The following CHST5 variants were observed in gnomAD, a reference collection of about 807,000 sequenced individuals.
CHST5 encodes the protein carbohydrate sulfotransferase 5.
For synonymous variants in CHST5, 313 were observed against 279.2 expected (o/e 1.12, Z -1.21); for missense variants, 637 against 602.1 (o/e 1.06, Z -0.61).
In CHST5 at chr16:75,529,470, C is replaced by T. The variant is rs1567428381; in HGVS notation, c.915G>A (p.Glu305=). 2.5e-6 allele frequency: 4 copies of T among 1,612,530 alleles called. No homozygotes were observed. The highest frequency in any genetic ancestry group is 3.4e-6 in the Non-Finnish European group (4 of 1,179,860). The change falls in exon 4 of 4, where the codon GAG becomes GAA. Residue 305 remains glutamate (E), a synonymous_variant. Coordinates refer to ENST00000336257, the MANE Select transcript of CHST5 (RefSeq NM_024533.5). ...CGGTGAAGGCGTAGAGTGCGCGGAT[C>T]TCTGCCAGCGGCTCCCGCGCCAGGT... ...FEDLAREPLA[E]IRALYAFTGL... is the part of the protein sequence containing the mutation.
At chr16:75,531,911 CGA>C in intron 3 of CHST5, among the ~76,000 whole-genome samples, 1 of 152,208 alleles carries the variant, frequency 6.6e-6, no homozygotes, top group East Asian at 1.9e-4. Flanking sequence ...TGGATGGAAG[CGA>C]GAGAGCTGGC....
chr16:75,530,130 G>A lies in CHST5; in HGVS notation c.255C>T (p.His85=). The part of the protein sequence containing the change: ...SSFLGQLFSQ[H]PDVFYLMEPA... ...GCTCCATCAGGTAGAAGACGTCGGGGTGCTGGCTGAAGAGCTGGCCCAAGA... is the reference window on the plus strand; with the variant it reads ...GCTCCATCAGGTAGAAGACGTCGGGATGCTGGCTGAAGAGCTGGCCCAAGA... Residue 85 remains histidine (H), a synonymous_variant, in exon 4 of 4, where the codon CAC becomes CAT. Coordinates refer to ENST00000336257, the MANE Select transcript of CHST5 (RefSeq NM_024533.5). 1 of 1,613,530 alleles carries A rather than the reference G, an allele frequency of 6.2e-7. No individual in the cohort carries two copies. Among genetic ancestry groups the A allele is most frequent in the Non-Finnish European group, 8.5e-7 (1 of 1,179,978 alleles).
Position 75,529,685 on chromosome 16 carries a change from C to T in CHST5, c.700G>A (p.Glu234Lys). Reference protein sequence around the residue: ...RDPRAVLRSREAAGPILARDN... With the variant: ...RDPRAVLRSRKAAGPILARDN... ...CGTGCCAGTATCGGGCCCGCCGCCTCCCGGGAGCGCAGCACGGCCCGCGGG... is the reference window on the plus strand; with the variant it reads ...CGTGCCAGTATCGGGCCCGCCGCCTTCCGGGAGCGCAGCACGGCCCGCGGG... The change falls in exon 4 of 4, where the codon GAG (glutamate) becomes AAG (lysine). Residue 234 changes from glutamate (E) to lysine (K), a missense_variant. Transcript: ENST00000336257. 2.5e-6 allele frequency: 4 copies of T among 1,610,382 alleles called. No homozygotes were observed. The highest frequency in any genetic ancestry group is 3.4e-6 in the Non-Finnish European group (4 of 1,178,406).
chr16:75,531,768 C>T (rs905041724), intron 3 of CHST5, 128 bp from the exon 4 acceptor site: 1 of 538,682 alleles, frequency 1.9e-6, no homozygotes, highest in Non-Finnish European at 3.1e-6. Flanking sequence ...GTAGAGAGAC[C>T]CTTTTGGGTT....
At chr16:75,534,409 G>A (rs764422417) in intron 2 of CHST5, among the ~76,000 whole-genome samples, 11 of 152,116 alleles carry the variant, frequency 7.2e-5, no homozygotes, top group South Asian at 2.1e-4. Flanking sequence ...CACTTTGGGA[G>A]CCTCAGCGGG....
chr16:75,536,074 C>G lies in CHST5; in HGVS notation c.-1665G>C, dbSNP rs1034605396. Among the ~76,000 whole-genome samples the G allele has an allele frequency of 6.6e-6, 1 of 152,206 alleles. No individual in the cohort carries two copies. Among genetic ancestry groups the G allele is most frequent in the Non-Finnish European group, 1.5e-5 (1 of 68,028 alleles). On this transcript the variant is annotated 5_prime_UTR_variant, in exon 1 of 4. Transcript: ENST00000336257. Reference sequence around the variant, plus strand: ...TGACACAGGAATCCGTGCTGCCTCCCGGTGCAGTGTCCCAGCTGGGAGGAG... The same window carrying G: ...TGACACAGGAATCCGTGCTGCCTCCGGGTGCAGTGTCCCAGCTGGGAGGAG...
In CHST5 at chr16:75,531,049, G is replaced by A. The variant is rs956070976; in HGVS notation, c.-665C>T. 19 of 1,000,872 alleles carry A rather than the reference G, an allele frequency of 1.9e-5. No homozygotes were observed. Among genetic ancestry groups the A allele is most frequent in the Middle Eastern group, 5.2e-4 (1 of 1,938 alleles). The allele number at this position is 1,000,872 out of a possible 1,614,324, so 62.0% of individuals were successfully genotyped here. A position where few individuals can be genotyped will look rare whatever the true frequency, so the allele number is the denominator to read the frequency against. ...GGTATAAAACTTTTGTCAGCCAGGC[G>A]CGGTGGCTCACGCCTGTAATCCCAG... On this transcript the variant is annotated 5_prime_UTR_variant, in exon 4 of 4. Transcript: ENST00000336257.
chr16:75,529,963 G>A lies in CHST5; in HGVS notation c.422C>T (p.Ala141Val). The A allele has an allele frequency of 6.2e-7, 1 of 1,613,330 alleles. No individual in the cohort carries two copies. Among genetic ancestry groups the A allele is most frequent in the Non-Finnish European group, 8.5e-7 (1 of 1,179,964 alleles). The change falls in exon 4 of 4, where the codon GCC becomes GTC. Residue 141 changes from alanine to valine, a missense_variant. Coordinates refer to ENST00000336257, the MANE Select transcript of CHST5 (RefSeq NM_024533.5). ...GCGGCTCGTTGCCCAGTTGAAAAAG[G>A]CGGACAGGTTTCGGCTCTGTGGCAT... Reference protein sequence around the residue: ...AYMPQSRNLSAFFNWATSRAL... With the variant: ...AYMPQSRNLSVFFNWATSRAL...
chr16:75,534,215 T>C (rs1228106230), intron 2 of CHST5, among the ~76,000 whole-genome samples: 1 of 149,408 alleles, frequency 6.7e-6, no homozygotes, highest in Non-Finnish European at 1.5e-5. Flanking sequence ...CTCATGCCTA[T>C]AATCCCAGCT....
chr16:75,529,161 T>C lies in CHST5; in HGVS notation c.1224A>G (p.Ala408=), dbSNP rs541040326. 6.3e-7 allele frequency: 1 copy of C among 1,582,730 alleles called. No individual in the cohort carries two copies. Among genetic ancestry groups the C allele is most frequent in the Non-Finnish European group, 8.6e-7 (1 of 1,161,904 alleles). ...LPRGPDHFSW[A]SPD Reference sequence around the variant, plus strand: ...AGGCCCAGAGTTCTCAGTCAGGCGATGCCCAGCTGAAGTGGTCTGGGCCTC... The same window carrying C: ...AGGCCCAGAGTTCTCAGTCAGGCGACGCCCAGCTGAAGTGGTCTGGGCCTC... The change falls in exon 4 of 4, where the codon GCA becomes GCG. Residue 408 remains alanine, a synonymous_variant. Coordinates refer to ENST00000336257, the MANE Select transcript of CHST5 (RefSeq NM_024533.5).
chr16:75,529,042 G>T lies in CHST5; in HGVS notation c.*107C>A. The T allele has an allele frequency of 8.0e-7, 1 of 1,250,764 alleles. No individual in the cohort carries two copies. The highest frequency in any genetic ancestry group is 1.1e-6 in the Non-Finnish European group (1 of 922,936). 77.5% of individuals were successfully genotyped at this position (1,250,764 alleles called of 1,614,324 possible). ...AGGGGAGGACCCCAAACTCCCGGTT[G>T]ATAGTAGGGACCTGCTTCCCCATGC... On this transcript the variant is annotated 3_prime_UTR_variant, in exon 4 of 4. Transcript: ENST00000336257.
At position 75,529,416 on chromosome 16, in the gene CHST5, G is replaced by T. The variant is rs1248514152; in HGVS notation, c.969C>A (p.Ala323=). Residue 323 remains alanine (A), a synonymous_variant, in exon 4 of 4, where the codon GCC becomes GCA. Coordinates refer to ENST00000336257, the MANE Select transcript of CHST5 (RefSeq NM_024533.5). Reference sequence around the variant, plus strand: ...ACCCGTGGGTGATGTTGTGGATCCAGGCCTCGAGCTGTGGCGTGAGGGTCA... The same window carrying T: ...ACCCGTGGGTGATGTTGTGGATCCATGCCTCGAGCTGTGGCGTGAGGGTCA... The part of the protein sequence containing the change: ...TGLTLTPQLE[A]WIHNITHGSG... The T allele has an allele frequency of 2.5e-6, 4 of 1,613,086 alleles. No individual in the cohort carries two copies. Among genetic ancestry groups the T allele is most frequent in the Non-Finnish European group, 3.4e-6 (4 of 1,179,930 alleles).
intron 3 of CHST5, 112 bp from the exon 4 acceptor site, chr16:75,531,752 T>A: frequency 2.8e-6 from 2 of 714,378 alleles, no homozygotes; most frequent in Non-Finnish European, 4.3e-6. Context: ...TGCTTCAGGA[T>A]AACTCGTAGA....
In CHST5 at chr16:75,529,869, C is replaced by G. The variant is rs762592172; in HGVS notation, c.516G>C (p.Lys172Asn). 6.2e-7 allele frequency: 1 copy of G among 1,613,582 alleles called. No individual in the cohort carries two copies. The highest frequency in any genetic ancestry group is 8.5e-7 in the Non-Finnish European group (1 of 1,179,930). ...RGTISKQDVCKTLCTRQPFSL... is the reference protein window; with the variant it reads ...RGTISKQDVCNTLCTRQPFSL... ...TGAATGGCTGCCGCGTGCACAGTGT[C>G]TTGCATACGTCCTGCTTGCTGATGG... Residue 172 changes from lysine (K) to asparagine (N), a missense_variant, in exon 4 of 4, where the codon AAG becomes AAC. Physicochemically the swap from Lys to Asn is moderately conservative, Grantham distance 94 (BLOSUM62 0). Coordinates refer to ENST00000336257, the MANE Select transcript of CHST5 (RefSeq NM_024533.5).
At position 75,530,911 on chromosome 16, in the gene CHST5, T is replaced by TG; in HGVS notation, c.-528dup. 1 of 999,366 alleles carries TG rather than the reference T, an allele frequency of 1.0e-6. No homozygotes were observed. 61.9% of individuals were successfully genotyped at this position (999,366 alleles called of 1,614,324 possible). ...CCTGGCTCACAGGATCTGGGGGGAT[T>TG]GGGGGGTTATTATAATGAAGATGGG... On this transcript the variant is annotated 5_prime_UTR_variant, in exon 4 of 4. Coordinates refer to ENST00000336257, the MANE Select transcript of CHST5 (RefSeq NM_024533.5).
Position 75,530,297 on chromosome 16 carries a change from T to G in CHST5, c.88A>C (p.Lys30Gln). The stretch of plus-strand genomic sequence containing the variant: ...GCCAGGAGGAGCACTGTCACTGTCT[T>G]GCTGGAGAACCGTGGCAGCCACATG... Reference protein sequence around the residue: ...ARMWLPRFSSKTVTVLLLAQT... With the variant: ...ARMWLPRFSSQTVTVLLLAQT... Residue 30 changes from lysine to glutamine, a missense_variant, in exon 4 of 4, where the codon AAG becomes CAG. Transcript: ENST00000336257. 1 of 1,611,542 alleles carries G rather than the reference T, an allele frequency of 6.2e-7. No individual in the cohort carries two copies. The highest frequency in any genetic ancestry group is 1.1e-5 in the South Asian group (1 of 90,722).
At position 75,530,635 on chromosome 16, in the gene CHST5, A is replaced by G; in HGVS notation, c.-251T>C. On this transcript the variant is annotated 5_prime_UTR_variant, in exon 4 of 4. Coordinates refer to ENST00000336257, the MANE Select transcript of CHST5 (RefSeq NM_024533.5). ...ACATACCTACAGGCTATCTATCTGT[A>G]GAGAGAAATACTATGTTTCAAAGAG... is the stretch of plus-strand genomic sequence containing the variant. The G allele has an allele frequency of 7.3e-7, 1 of 1,372,004 alleles. No homozygotes were observed. Among genetic ancestry groups the G allele is most frequent in the Non-Finnish European group, 9.4e-7 (1 of 1,059,158 alleles). The allele number at this position is 1,372,004 out of a possible 1,614,324, so 85.0% of individuals were successfully genotyped here. A position where few individuals can be genotyped will look rare whatever the true frequency, so the allele number is the denominator to read the frequency against.
rs374219040 is a variant in CHST5 at position 75,529,692 on chromosome 16, G to A, written c.693C>T (p.Arg231=). The change falls in exon 4 of 4, where the codon CGC becomes CGT. Residue 231 remains arginine (R), a synonymous_variant. Coordinates refer to ENST00000336257, the MANE Select transcript of CHST5 (RefSeq NM_024533.5). ...GTATCGGGCCCGCCGCCTCCCGGGA[G>A]CGCAGCACGGCCCGCGGGTCGCGCA... is the stretch of plus-strand genomic sequence containing the variant. ...HLVRDPRAVL[R]SREAAGPILA... 19 of 1,610,798 alleles carry A rather than the reference G, an allele frequency of 1.2e-5. 1 individual carries two copies. In the African/African-American group the frequency reaches 2.5e-4, roughly 21 times the overall value.
chr16:75,534,231 G>T (rs1286906902), intron 2 of CHST5, among the ~76,000 whole-genome samples: 1 of 151,774 alleles, frequency 6.6e-6, no homozygotes, highest in Non-Finnish European at 1.5e-5. Context: ...CAGCTACTCG[G>T]GAGGCTGAGG....
Sources: gnomAD v4.1 joint callset for allele counts (sites outside exome capture counted in the v4.1 genomes callset) on GRCh38, gnomAD v4.1.1 for gene constraint, MANE v1.5 for transcripts, NCBI Gene and HGNC (gene_info 2026-07-23, HGNC 2026-07-21) for gene names.